The following OLFM2 variants were observed in gnomAD, a reference collection of about 807,000 sequenced individuals.
OLFM2 encodes the protein olfactomedin 2.
A neutral mutation model predicts 43.9 loss-of-function variants in OLFM2; 20 were observed. That is an observed-to-expected ratio of 0.46 (90% CI 0.32 to 0.66). The LOEUF is 0.66. Among genes scored for constraint, OLFM2 ranks in the 30% least tolerant of loss-of-function variants. The pLI is 0.04. For synonymous variants in OLFM2, 268 were observed against 278.6 expected (o/e 0.96, Z 0.38); for missense variants, 416 against 643.6 (o/e 0.65, Z 3.83).
chr19:9,907,417 G>A (rs1024217560), intron 1 of OLFM2, among the ~76,000 whole-genome samples: 6 of 151,898 alleles, frequency 4.0e-5, no homozygotes, highest in Non-Finnish European at 5.9e-5. Context: ...GGCCAAGACG[G>A]TGCCACTGCA....
intron 1 of OLFM2, among the ~76,000 whole-genome samples, chr19:9,916,421 C>A (rs1170133930): frequency 6.6e-6 from 1 of 152,170 alleles, no homozygotes; most frequent in Non-Finnish European, 1.5e-5. Flanking sequence ...GAGTGCTGAA[C>A]ACTTTGCAGA....
intron 1 of OLFM2, among the ~76,000 whole-genome samples, chr19:9,889,015 A>C (rs1270380527): frequency 1.3e-5 from 2 of 151,962 alleles, no homozygotes; most frequent in African/African-American, 4.8e-5. Context: ...GCAGTGAGCC[A>C]AGATTGCGCC....
chr19:9,884,197 G>A (rs1205573543), intron 1 of OLFM2, among the ~76,000 whole-genome samples: 1 of 151,202 alleles, frequency 6.6e-6, no homozygotes, highest in Admixed American at 6.6e-5. Flanking sequence ...TGAGCCCAGG[G>A]AGGTTGAGGC....
intron 1 of OLFM2, among the ~76,000 whole-genome samples, chr19:9,901,236 G>A (rs1440230207): frequency 1.4e-5 from 2 of 144,494 alleles, no homozygotes; most frequent in Non-Finnish European, 3.1e-5. Flanking sequence ...AAAAAAAAAG[G>A]AAGGAAAGAA....
At chr19:9,903,804 GC>G (rs886386486) in intron 1 of OLFM2, among the ~76,000 whole-genome samples, 11 of 152,138 alleles carry the variant, frequency 7.2e-5, no homozygotes, top group African/African-American at 2.7e-4. Context: ...TGCACCAAGT[GC>G]CCCAGCCAGC....
chr19:9,892,724 C>A (rs1036364201), intron 1 of OLFM2, among the ~76,000 whole-genome samples: 21 of 152,102 alleles, frequency 1.4e-4, no homozygotes, highest in Non-Finnish European at 2.9e-4. Context: ...AAATTCTCAT[C>A]CCCTCATGAG....
intron 1 of OLFM2, among the ~76,000 whole-genome samples, chr19:9,887,391 C>A (rs2046597103): frequency 6.6e-6 from 1 of 152,036 alleles, no homozygotes; most frequent in Admixed American, 6.6e-5. Context: ...GTTGGCCAGG[C>A]TGGTCTCAAA....
Position 9,854,119 on chromosome 19 carries a change from G to T in OLFM2, c.*67C>A. 7.0e-7 allele frequency: 1 copy of T among 1,433,272 alleles called. No homozygotes were observed. The highest frequency in any genetic ancestry group is 9.8e-7 in the Non-Finnish European group (1 of 1,023,928). The allele number at this position is 1,433,272 out of a possible 1,614,324, so 88.8% of individuals were successfully genotyped here. ...AGAGAGATCACCCTTGAGGGACACA[G>T]GCAGAATGAAAAGGGCCCCCAGCCC... On this transcript the variant is annotated 3_prime_UTR_variant, in exon 6 of 6. Transcript: ENST00000264833. The surrounding 1 kb of genome is among the most constrained non-coding windows in gnomAD (Gnocchi z 9.5).
intron 1 of OLFM2, among the ~76,000 whole-genome samples, chr19:9,921,453 A>G (rs888815912): frequency 2.1e-4 from 32 of 151,838 alleles, no homozygotes; most frequent in African/African-American, 7.7e-4. Context: ...ACTAATAAGC[A>G]CTAGCCATGA....
chr19:9,909,405 C>T (rs2046810375), intron 1 of OLFM2, among the ~76,000 whole-genome samples: 1 of 152,190 alleles, frequency 6.6e-6, no homozygotes, highest in South Asian at 2.1e-4. Context: ...CCGCTGAAGG[C>T]TCCTGTCCCA....
chr19:9,901,430 A>C (rs2046739012), intron 1 of OLFM2, among the ~76,000 whole-genome samples: 4 of 121,844 alleles, frequency 3.3e-5, no homozygotes, highest in Admixed American at 3.1e-4. Flanking sequence ...TGTCTCAAAA[A>C]CAAACAAACA....
chr19:9,904,994 G>C (rs1435141453), intron 1 of OLFM2, among the ~76,000 whole-genome samples: 1 of 151,844 alleles, frequency 6.6e-6, no homozygotes, highest in Non-Finnish European at 1.5e-5. Flanking sequence ...ACTACAGTCT[G>C]GGTGACAGAG....
intron 1 of OLFM2, among the ~76,000 whole-genome samples, chr19:9,917,399 C>T (rs200972552): frequency 6.6e-5 from 10 of 151,048 alleles, no homozygotes; most frequent in African/African-American, 1.5e-4. Flanking sequence ...CCCTGCCCTT[C>T]CCCCAGAAAA....
chr19:9,914,767 C>T (rs572647830), intron 1 of OLFM2, among the ~76,000 whole-genome samples: 1 of 152,132 alleles, frequency 6.6e-6, no homozygotes, highest in South Asian at 2.1e-4. Context: ...CGCTGGGCCG[C>T]GGAGAGGAGC....
chr19:9,919,290 C>A (rs4804475), intron 1 of OLFM2, among the ~76,000 whole-genome samples: 1 of 151,570 alleles, frequency 6.6e-6, no homozygotes, highest in Non-Finnish European at 1.5e-5. Context: ...CCTCAGCCTC[C>A]GGAGTAGCTG....
intron 1 of OLFM2, among the ~76,000 whole-genome samples, chr19:9,916,903 T>C (rs1223537077): frequency 6.6e-6 from 1 of 152,080 alleles, no homozygotes; most frequent in Non-Finnish European, 1.5e-5. Context: ...TGAAACTCCT[T>C]TTTCCCTTGA....
intron 1 of OLFM2, among the ~76,000 whole-genome samples, chr19:9,903,415 C>G (rs1733165036): frequency 6.6e-6 from 1 of 152,182 alleles, no homozygotes; most frequent in Admixed American, 6.6e-5. Context: ...GTTAATCACA[C>G]AGAAGCCACA....
At position 9,936,383 on chromosome 19, in the gene OLFM2, G is replaced by T. The variant is rs1363363335; in HGVS notation, c.-17C>A. 3.5e-6 allele frequency: 5 copies of T among 1,427,900 alleles called. 1 individual carries two copies. In the Admixed American group the frequency reaches 1.3e-4, roughly 36 times the overall value. The allele number at this position is 1,427,900 out of a possible 1,614,324, so 88.5% of individuals were successfully genotyped here. A position where few individuals can be genotyped will look rare whatever the true frequency, so the allele number is the denominator to read the frequency against. ...CGGCCACATGACGCGCCCCTAGCCC[G>T]GCGTCCCGACCCCCGCCCGCCCTAG... On this transcript the variant is annotated 5_prime_UTR_variant, in exon 1 of 6. Coordinates refer to ENST00000264833, the MANE Select transcript of OLFM2 (RefSeq NM_058164.4).
chr19:9,885,105 G>A (rs2046575356), intron 1 of OLFM2, among the ~76,000 whole-genome samples: 1 of 152,098 alleles, frequency 6.6e-6, no homozygotes, highest in East Asian at 1.9e-4. Context: ...TTCAAAACCC[G>A]GCTTCTCTTT....
Sources: allele counts gnomAD v4.1 joint callset (sites outside exome capture counted in the v4.1 genomes callset), GRCh38; gene constraint gnomAD v4.1.1; non-coding constraint Gnocchi (gnomAD v3.1); transcripts MANE v1.5; gene names NCBI Gene and HGNC (gene_info 2026-07-23, HGNC 2026-07-21).